Variants in ITGAV observed in about 807,000 individuals in gnomAD.
The protein encoded by ITGAV is integrin alpha-V.
A neutral mutation model predicts 143.8 loss-of-function variants in ITGAV; 76 were observed. The observed-to-expected ratio is 0.53, with a 90% CI of 0.44 to 0.64. ITGAV has a LOEUF of 0.64. ITGAV is among the 30% of genes least tolerant of loss of function. The pLI, the probability that ITGAV is intolerant of heterozygous loss-of-function variation, is 0.00. For missense variants in ITGAV, 1,193 were observed against 1,274.7 expected (o/e 0.94, Z 0.98); for synonymous variants, 453 against 446.7 (o/e 1.01, Z -0.18).
In ITGAV at chr2:186,668,702, G is replaced by T. The variant is rs1171111239; in HGVS notation, c.2434-60G>T. 5.5e-6 allele frequency: 8 copies of T among 1,450,226 alleles called. No homozygotes were observed. In the Admixed American group the frequency reaches 1.4e-4, roughly 25 times the overall value. 89.8% of individuals were successfully genotyped at this position (1,450,226 alleles called of 1,614,324 possible). ...CATGATTTCTAAAGTTGATGTAGGG[G>T]AAGGATTATGGAACAGATTTTTGCC... is the stretch of plus-strand genomic sequence containing the variant. On this transcript the variant is annotated intron_variant, in intron 24 of 29. Coordinates refer to ENST00000261023, the MANE Select transcript of ITGAV (RefSeq NM_002210.5).
At chr2:186,636,246 G>A (rs1361632123) in intron 7 of ITGAV, 39 bp downstream of exon 7, 8 of 1,546,768 alleles carry the variant, frequency 5.2e-6, no homozygotes, top group Admixed American at 3.7e-5. Context: ...TGGAACTGTG[G>A]TACATATATC....
intron 18 of ITGAV, among the ~76,000 whole-genome samples, chr2:186,663,174 A>G (rs1364489031): frequency 6.6e-6 from 1 of 152,052 alleles, no homozygotes; most frequent in African/African-American, 2.4e-5. Context: ...TTGGTTAACT[A>G]TAATGCTTCA....
intron 17 of ITGAV, among the ~76,000 whole-genome samples, chr2:186,657,775 T>G (rs1479475548): frequency 1.2e-4 from 18 of 152,084 alleles, no homozygotes; most frequent in Non-Finnish European, 1.9e-4. Context: ...TGGAAATTCT[T>G]AGAAAAACAA....
chr2:186,610,021 G>A (rs1175193248), intron 2 of ITGAV, among the ~76,000 whole-genome samples: 1 of 152,016 alleles, frequency 6.6e-6, no homozygotes, highest in Non-Finnish European at 1.5e-5. Flanking sequence ...GGACATCTTG[G>A]ACTCCTGGTT....
intron 13 of ITGAV, among the ~76,000 whole-genome samples, chr2:186,647,911 T>G (rs1688307493): frequency 6.6e-6 from 1 of 152,206 alleles, no homozygotes; most frequent in Non-Finnish European, 1.5e-5. Context: ...TTAGTAGTAT[T>G]TTAGAGTTTT....
At position 186,612,903 on chromosome 2, in the gene ITGAV, T is replaced by G. The variant is rs145975978; in HGVS notation, c.317-9436T>G. Among the ~76,000 whole-genome samples, 68 of 152,300 alleles carry G rather than the reference T, an allele frequency of 4.5e-4. 1 individual carries two copies. The highest frequency in any genetic ancestry group is 3.4e-3 in the Middle Eastern group (1 of 294). The stretch of plus-strand genomic sequence containing the variant: ...ACTAAGGATTTTTTAAAAATAAAAA[T>G]GTTTCTCCTGATATAATCTGTTATC... On this transcript the variant is annotated intron_variant, in intron 2 of 29. Coordinates refer to ENST00000261023, the MANE Select transcript of ITGAV (RefSeq NM_002210.5).
At position 186,665,145 on chromosome 2, in the gene ITGAV, G is replaced by A; in HGVS notation, c.2093G>A (p.Cys698Tyr). The A allele has an allele frequency of 1.9e-6, 3 of 1,588,772 alleles. No individual in the cohort carries two copies. The highest frequency in any genetic ancestry group is 2.6e-6 in the Non-Finnish European group (3 of 1,168,860). ...TCAAAGGCCTTAGCAAGACTTTCCT[G>A]TGCATTTAAGACAGAAAACCAAACT... ...RNNEALARLSCAFKTENQTRQ... is the reference protein window; with the variant it reads ...RNNEALARLSYAFKTENQTRQ... Residue 698 changes from cysteine to tyrosine, a missense_variant, in exon 21 of 30, where the codon TGT becomes TAT. Physicochemically the swap from Cys to Tyr is radical, Grantham distance 194. Coordinates refer to ENST00000261023, the MANE Select transcript of ITGAV (RefSeq NM_002210.5).
At chr2:186,611,512 C>T (rs1687216323) in intron 2 of ITGAV, among the ~76,000 whole-genome samples, 1 of 152,126 alleles carries the variant, frequency 6.6e-6, no homozygotes, top group Non-Finnish European at 1.5e-5. Context: ...CAGGTGTAAG[C>T]CACAATTGAT....
At chr2:186,631,521 G>T (rs943097201) in intron 5 of ITGAV, among the ~76,000 whole-genome samples, 4 of 152,056 alleles carry the variant, frequency 2.6e-5, no homozygotes, top group African/African-American at 9.7e-5. Context: ...TTATTTTGGT[G>T]GTGGGGGAGT....
At position 186,680,277 on chromosome 2, in the gene ITGAV, A is replaced by T. The variant is rs912339466; in HGVS notation, c.*2985A>T. The T allele has an allele frequency of 2.0e-5, 3 of 152,360 alleles. No individual in the cohort carries two copies. The highest frequency in any genetic ancestry group is 4.4e-5 in the Non-Finnish European group (3 of 67,988). 9.4% of individuals were successfully genotyped at this position (152,360 alleles called of 1,614,324 possible). Reference sequence around the variant, plus strand: ...AATTTGAAAAATGATTGTAGGATCAAAAAAGGCAGATGAAATTACTTAATA... The same window carrying T: ...AATTTGAAAAATGATTGTAGGATCATAAAAGGCAGATGAAATTACTTAATA... On this transcript the variant is annotated 3_prime_UTR_variant, in exon 30 of 30. Coordinates refer to ENST00000261023, the MANE Select transcript of ITGAV (RefSeq NM_002210.5).
intron 2 of ITGAV, among the ~76,000 whole-genome samples, chr2:186,607,400 C>T (rs2105663582): frequency 6.6e-6 from 1 of 152,050 alleles, no homozygotes; most frequent in African/African-American, 2.4e-5. Context: ...CTTTTTCTGG[C>T]CCATAAAACA....
Position 186,679,450 on chromosome 2 carries a change from G to A in ITGAV, c.*2158G>A, listed in dbSNP as rs1453948179. 6.6e-6 allele frequency: 1 copy of A among 151,712 alleles called. No homozygotes were observed. The highest frequency in any genetic ancestry group is 2.4e-5 in the African/African-American group (1 of 41,356). The allele number at this position is 151,712 out of a possible 1,614,324, so 9.4% of individuals were successfully genotyped here. On this transcript the variant is annotated 3_prime_UTR_variant, in exon 30 of 30. Coordinates refer to ENST00000261023, the MANE Select transcript of ITGAV (RefSeq NM_002210.5). ...AACATTTATATATCTACAAAAATATGGAGAAGAGTAATTTGAAAGCCTACT... is the reference window on the plus strand; with the variant it reads ...AACATTTATATATCTACAAAAATATAGAGAAGAGTAATTTGAAAGCCTACT...
At chr2:186,635,257 C>T (rs1043001686) in intron 6 of ITGAV, among the ~76,000 whole-genome samples, 2 of 152,020 alleles carry the variant, frequency 1.3e-5, no homozygotes, top group African/African-American at 2.4e-5. Context: ...TCAGAATTGT[C>T]GTTGTTAGAA....
intron 3 of ITGAV, 91 bp from the exon 4 acceptor site, chr2:186,625,382 A>C: frequency 2.7e-6 from 2 of 739,342 alleles, no homozygotes; most frequent in Non-Finnish European, 4.6e-6. Flanking sequence ...AAAAAAGAGA[A>C]AGTGGTATTA....
At chr2:186,645,260 C>T (rs575646708) in intron 12 of ITGAV, among the ~76,000 whole-genome samples, 1 of 152,198 alleles carries the variant, frequency 6.6e-6, no homozygotes, top group South Asian at 2.1e-4. Flanking sequence ...TAGGGAATAG[C>T]TTGCTGACAG....
At chr2:186,658,772 T>G (rs1375302272) in intron 17 of ITGAV, among the ~76,000 whole-genome samples, 1 of 140,554 alleles carries the variant, frequency 7.1e-6, no homozygotes, top group African/African-American at 3.0e-5. Context: ...GTGTGTGTGT[T>G]TGAGTGCTCA....
At chr2:186,632,553 T>C (rs1043975551) in intron 5 of ITGAV, among the ~76,000 whole-genome samples, 24 of 152,134 alleles carry the variant, frequency 1.6e-4, no homozygotes, top group Non-Finnish European at 7.4e-5. Flanking sequence ...AAACACAATA[T>C]ACCTAGGATT....
At chr2:186,600,334 AATGC>A (rs1194283223) in intron 1 of ITGAV, 1 of 1,544,752 alleles carries the variant, frequency 6.5e-7, no homozygotes, top group Non-Finnish European at 8.8e-7. Flanking sequence ...TCAATACACA[AATGC>A]TCCTAGGCAC....
intron 4 of ITGAV, 91 bp downstream of exon 4, chr2:186,625,678 T>TGTGAGAGA: frequency 2.2e-6 from 1 of 451,370 alleles, no homozygotes; most frequent in Non-Finnish European, 4.0e-6. Context: ...TGTGTGTGTG[T>TGTGAGAGA]GAGAGAGAGA....
Sources: allele counts gnomAD v4.1 joint callset (sites outside exome capture counted in the v4.1 genomes callset), GRCh38; gene constraint gnomAD v4.1.1; transcripts MANE v1.5; gene names NCBI Gene and HGNC (gene_info 2026-07-23, HGNC 2026-07-21).